The following RGS20 variants were observed in gnomAD, a reference collection of about 807,000 sequenced individuals.
RGS20 encodes regulator of G protein signaling 20.
RGS20 carries 30 observed loss-of-function variants against 33.6 expected under a neutral mutation model. That is an observed-to-expected ratio of 0.89 (90% CI 0.67 to 1.21). RGS20 has a LOEUF of 1.21. Among genes scored for constraint, RGS20 ranks in the 50% most tolerant of loss-of-function variants. The pLI, the probability that RGS20 is intolerant of heterozygous loss-of-function variation, is 0.00. For synonymous variants in RGS20, 208 were observed against 197.9 expected, an observed-to-expected ratio of 1.05 and a Z score of -0.43; for missense variants, 472 against 502.4, an observed-to-expected ratio of 0.94 and a Z score of 0.58.
chr8:53,957,798 G>C (rs1274764592), intron 5 of RGS20, among the ~76,000 whole-genome samples: 1 of 152,152 alleles, frequency 6.6e-6, no homozygotes, highest in African/African-American at 2.4e-5. Context: ...TATGCTTTTG[G>C]TTTCTCTTTG....
Position 53,893,079 on chromosome 8 carries a change from A to G in RGS20, c.510+13477A>G, listed in dbSNP as rs149390632. 3.3e-4 allele frequency among the ~76,000 whole-genome samples: 51 copies of G among 152,320 alleles called. 1 individual carries two copies. In the East Asian group the frequency reaches 8.5e-3, roughly 25 times the overall value. Reference sequence around the variant, plus strand: ...AATCCACATTTAACTACTTCGTGTTATATCAAGTAGGGCTTATAATAAGAT... The same window carrying G: ...AATCCACATTTAACTACTTCGTGTTGTATCAAGTAGGGCTTATAATAAGAT... On this transcript the variant is annotated intron_variant, in intron 2 of 5. Transcript: ENST00000297313.
chr8:53,897,511 C>T (rs778569879), intron 2 of RGS20, among the ~76,000 whole-genome samples: 89 of 152,232 alleles, frequency 5.8e-4, no homozygotes, highest in Admixed American at 2.4e-3. Flanking sequence ...TTTTACTAAG[C>T]ATACTTTATA....
At chr8:53,880,504 G>A (rs1482709465) in intron 2 of RGS20, among the ~76,000 whole-genome samples, 2 of 152,096 alleles carry the variant, frequency 1.3e-5, no homozygotes, top group Non-Finnish European at 2.9e-5. Flanking sequence ...CGAAGCTCTG[G>A]GGACCAAGCG....
At chr8:53,908,598 C>T (rs1813248703) in intron 2 of RGS20, among the ~76,000 whole-genome samples, 1 of 151,814 alleles carries the variant, frequency 6.6e-6, no homozygotes, top group Non-Finnish European at 1.5e-5. Flanking sequence ...TGAGATCATG[C>T]CATTGCACTC....
chr8:53,860,416 CTG>C (rs1811783426), intron 1 of RGS20, among the ~76,000 whole-genome samples: 1 of 152,134 alleles, frequency 6.6e-6, no homozygotes, highest in Non-Finnish European at 1.5e-5. Flanking sequence ...CAAAATAAGA[CTG>C]GAAATGAACT....
intron 2 of RGS20, among the ~76,000 whole-genome samples, chr8:53,912,728 G>T (rs1813379202): frequency 6.6e-6 from 1 of 151,990 alleles, no homozygotes; most frequent in African/African-American, 2.4e-5. Flanking sequence ...CTTCATCCAT[G>T]ATTTTTTAAT....
chr8:53,953,594 C>T (rs1286979272), intron 4 of RGS20, among the ~76,000 whole-genome samples: 1 of 151,776 alleles, frequency 6.6e-6, no homozygotes, highest in Non-Finnish European at 1.5e-5. Context: ...TGCACTTATA[C>T]TACATATATT....
chr8:53,854,522 A>G (rs2084396349), intron 1 of RGS20, among the ~76,000 whole-genome samples: 1 of 152,204 alleles, frequency 6.6e-6, no homozygotes, highest in Non-Finnish European at 1.5e-5. Flanking sequence ...GTCACAGTGA[A>G]ATATCACTAC....
intron 2 of RGS20, among the ~76,000 whole-genome samples, chr8:53,895,443 A>G (rs538460953): frequency 1.3e-5 from 2 of 152,274 alleles, no homozygotes; most frequent in Admixed American, 6.5e-5. Context: ...CTAAATGATC[A>G]TGAAGTTATG....
chr8:53,947,077 A>G (rs911578346), intron 4 of RGS20, among the ~76,000 whole-genome samples: 1 of 147,420 alleles, frequency 6.8e-6, no homozygotes, highest in African/African-American at 2.5e-5. Flanking sequence ...TATATAAGAT[A>G]TAGCATATAT....
chr8:53,901,161 A>G (rs1469108709), intron 2 of RGS20, among the ~76,000 whole-genome samples: 1 of 148,942 alleles, frequency 6.7e-6, no homozygotes, highest in Non-Finnish European at 1.5e-5. Context: ...TCCGCCTTGC[A>G]AGTTCAAGTG....
Position 53,958,584 on chromosome 8 carries a change from T to G in RGS20, c.*126T>G, listed in dbSNP as rs1814945037. On this transcript the variant is annotated 3_prime_UTR_variant, in exon 6 of 6. Coordinates refer to ENST00000297313, the MANE Select transcript of RGS20 (RefSeq NM_170587.4). ...ATACTCAGGCTATTCTAATAACAGATGATTCCTTCAACAGACTGCTATATA... is the reference window on the plus strand; with the variant it reads ...ATACTCAGGCTATTCTAATAACAGAGGATTCCTTCAACAGACTGCTATATA... 2.2e-6 allele frequency: 1 copy of G among 445,890 alleles called. No homozygotes were observed. Among genetic ancestry groups the G allele is most frequent in the Admixed American group, 4.2e-5 (1 of 23,686 alleles). 27.6% of individuals were successfully genotyped at this position (445,890 alleles called of 1,614,324 possible).
chr8:53,880,902 A>C, intron 2 of RGS20: 1 of 1,508,024 alleles, frequency 6.6e-7, no homozygotes, highest in Non-Finnish European at 8.8e-7. Flanking sequence ...CCGGGAGAAG[A>C]GGGCTAGAGC....
chr8:53,906,731 T>A (rs748774877), intron 2 of RGS20, among the ~76,000 whole-genome samples: 1 of 152,048 alleles, frequency 6.6e-6, no homozygotes, highest in Non-Finnish European at 1.5e-5. Context: ...AACAGTGAAA[T>A]TGAAATGAAT....
intron 1 of RGS20, among the ~76,000 whole-genome samples, chr8:53,874,773 G>A (rs370405926): frequency 7.9e-5 from 12 of 152,236 alleles, no homozygotes; most frequent in South Asian, 6.2e-4. Flanking sequence ...TATCTGTGTC[G>A]AAATTTCCCC....
intron 2 of RGS20, among the ~76,000 whole-genome samples, chr8:53,902,370 T>C (rs761528308): frequency 8.5e-5 from 13 of 152,192 alleles, no homozygotes; most frequent in Non-Finnish European, 1.5e-4. Context: ...TGCATACTTT[T>C]GGTGCAACGT....
intron 2 of RGS20, chr8:53,881,008 C>T (rs1462872149): frequency 1.9e-6 from 3 of 1,595,166 alleles, no homozygotes; most frequent in Non-Finnish European, 2.5e-6. Context: ...AAGGCACCCG[C>T]GGGACGCATG....
intron 3 of RGS20, among the ~76,000 whole-genome samples, chr8:53,942,399 C>CA (rs561647848): frequency 1.7e-4 from 26 of 151,768 alleles, no homozygotes; most frequent in Middle Eastern, 3.4e-3. Flanking sequence ...GTTGAGGCTG[C>CA]AGTGAATGAT....
At chr8:53,937,291 T>TAATAAATA in intron 2 of RGS20, among the ~76,000 whole-genome samples, 1 of 151,364 alleles carries the variant, frequency 6.6e-6, no homozygotes, top group African/African-American at 2.4e-5. Flanking sequence ...TAAAGTATAA[T>TAATAAATA]AATAAATAAA....
Sources: allele counts gnomAD v4.1 joint callset (sites outside exome capture counted in the v4.1 genomes callset), GRCh38; gene constraint gnomAD v4.1.1; transcripts MANE v1.5; gene names NCBI Gene and HGNC (gene_info 2026-07-23, HGNC 2026-07-21).